The following BACH2 variants were observed in gnomAD, a reference collection of about 807,000 sequenced individuals.
The protein encoded by BACH2 is transcription regulator protein BACH2.
In BACH2, 5 loss-of-function variants were observed where a neutral mutation model predicts 61.8. The ratio of observed to expected loss-of-function variants is 0.08; its 90% confidence interval spans 0.04 to 0.17. The LOEUF (loss-of-function observed/expected upper bound fraction) is 0.17. Ranked by LOEUF, BACH2 falls within the 10% of genes least tolerant of loss-of-function variation. The pLI is 1.00. For missense variants in BACH2, 824 were observed against 1,091.1 expected, an observed-to-expected ratio of 0.76 and a Z score of 3.45; for synonymous variants, 446 against 440.1, an observed-to-expected ratio of 1.01 and a Z score of -0.17.
chr6:89,958,877 T>C (rs981218116), intron 6 of BACH2, among the ~76,000 whole-genome samples: 4 of 152,146 alleles, frequency 2.6e-5, no homozygotes, highest in Non-Finnish European at 4.4e-5. Context: ...CTATTCACAA[T>C]TGCCCTCCCC....
Position 89,951,961 on chromosome 6 carries a change from C to A in BACH2, c.244-99G>T. 1 of 1,398,154 alleles carries A rather than the reference C, an allele frequency of 7.2e-7. No individual in the cohort carries two copies. The highest frequency in any genetic ancestry group is 9.7e-7 in the Non-Finnish European group (1 of 1,026,506). The allele number at this position is 1,398,154 out of a possible 1,614,324, so 86.6% of individuals were successfully genotyped here. The stretch of plus-strand genomic sequence containing the variant: ...AGATAACCAGACAGTGCTAATGTCC[C>A]AGAATAAAGACTGCAAAGGGGCAGT... On this transcript the variant is annotated intron_variant, in intron 6 of 8. Coordinates refer to ENST00000257749, the MANE Select transcript of BACH2 (RefSeq NM_021813.4). The surrounding 1 kb of genome is among the most constrained non-coding windows in gnomAD (Gnocchi z 6.4).
chr6:89,958,671 G>A (rs867153151), intron 6 of BACH2, among the ~76,000 whole-genome samples: 2 of 152,212 alleles, frequency 1.3e-5, no homozygotes, highest in South Asian at 2.1e-4. Flanking sequence ...TTTGCAGGAT[G>A]CTGGGAGGAC....
intron 6 of BACH2, chr6:90,001,537 C>T (rs1395613485): frequency 6.6e-6 from 1 of 152,210 alleles, no homozygotes; most frequent in African/African-American, 2.4e-5. Flanking sequence ...GCTTAATTAA[C>T]TTAAAAGTTT....
intron 6 of BACH2, among the ~76,000 whole-genome samples, chr6:89,989,258 A>G (rs974736202): frequency 1.6e-4 from 24 of 152,220 alleles, no homozygotes; most frequent in Admixed American, 1.0e-3. Context: ...GAACCTTTTC[A>G]TCTTGGAAAT....
intron 7 of BACH2, among the ~76,000 whole-genome samples, chr6:89,942,087 C>T (rs929788885): frequency 2.0e-5 from 3 of 151,986 alleles, no homozygotes; most frequent in Non-Finnish European, 2.9e-5. Flanking sequence ...AAAAAAACCC[C>T]AACTCACTCT....
intron 5 of BACH2, among the ~76,000 whole-genome samples, chr6:90,068,638 G>T (rs79752982): frequency 2.8e-5 from 4 of 140,814 alleles, no homozygotes; most frequent in Non-Finnish European, 4.7e-5. Flanking sequence ...GGTTGTTGTT[G>T]TTTTTTTTTT....
intron 4 of BACH2, among the ~76,000 whole-genome samples, chr6:90,175,894 C>T (rs1767968548): frequency 6.6e-6 from 1 of 152,034 alleles, no homozygotes; most frequent in East Asian, 1.9e-4. Flanking sequence ...TATACCACAG[C>T]CAGGTACCAA....
At chr6:89,976,534 G>A (rs1181937705) in intron 6 of BACH2, among the ~76,000 whole-genome samples, 3 of 152,184 alleles carry the variant, frequency 2.0e-5, no homozygotes, top group African/African-American at 7.2e-5. Flanking sequence ...GGCAGGAAAA[G>A]GGGGTCTTCT....
intron 1 of BACH2, among the ~76,000 whole-genome samples, chr6:90,281,266 A>T (rs1001551995): frequency 6.6e-6 from 1 of 152,234 alleles, no homozygotes; most frequent in Non-Finnish European, 1.5e-5. Context: ...GCACTTGAAC[A>T]ATTATTTTTA....
chr6:90,028,343 C>G (rs149192275), intron 5 of BACH2, among the ~76,000 whole-genome samples: 1 of 152,346 alleles, frequency 6.6e-6, no homozygotes, highest in Non-Finnish European at 1.5e-5. Context: ...TGTATTGATT[C>G]TCATCTGATA....
At chr6:90,133,543 A>AT (rs1451249047) in intron 4 of BACH2, among the ~76,000 whole-genome samples, 2 of 151,978 alleles carry the variant, frequency 1.3e-5, no homozygotes, top group African/African-American at 4.8e-5. Flanking sequence ...TTATTTATTT[A>AT]TTTATTTTTT....
intron 5 of BACH2, among the ~76,000 whole-genome samples, chr6:90,059,465 T>C (rs1780562264): frequency 6.6e-6 from 1 of 152,082 alleles, no homozygotes; most frequent in East Asian, 1.9e-4. Context: ...CATTAAAAAG[T>C]CAGGAAACAA....
rs567967696 is a variant in BACH2 at position 90,081,002 on chromosome 6, C to T, written c.-13+7959G>A. Among the ~76,000 whole-genome samples, 13 of 152,140 alleles carry T rather than the reference C, an allele frequency of 8.5e-5. No individual in the cohort carries two copies. In the South Asian group the frequency reaches 1.7e-3, roughly 19 times the overall value. On this transcript the variant is annotated intron_variant, in intron 5 of 8. Transcript: ENST00000257749. ...ATACGCCACTGAGACAACCACACCG[C>T]CCCCAAATCAGACTCCAAATGACTG...
intron 4 of BACH2, among the ~76,000 whole-genome samples, chr6:90,098,431 T>A (rs141237031): frequency 6.6e-5 from 10 of 152,318 alleles, no homozygotes; most frequent in Admixed American, 2.0e-4. Context: ...TTCATTTTTA[T>A]TCCAAAAATT....
At chr6:89,942,975 T>G (rs1302824522) in intron 7 of BACH2, among the ~76,000 whole-genome samples, 1 of 152,152 alleles carries the variant, frequency 6.6e-6, no homozygotes, top group Non-Finnish European at 1.5e-5. Context: ...GATTCCAGCT[T>G]TACACATTTT....
intron 3 of BACH2, among the ~76,000 whole-genome samples, chr6:90,230,529 A>G (rs1770061159): frequency 6.6e-6 from 1 of 152,194 alleles, no homozygotes; most frequent in Admixed American, 6.5e-5. Flanking sequence ...TTCTGTCTGG[A>G]ATTTCATCCT....
intron 6 of BACH2, among the ~76,000 whole-genome samples, chr6:89,961,587 G>A (rs1262277833): frequency 6.6e-6 from 1 of 152,170 alleles, no homozygotes; most frequent in African/African-American, 2.4e-5. Context: ...TGAACCACTT[G>A]ATCTTCAACC....
chr6:90,296,237 G>A (rs1215330365), intron 1 of BACH2, among the ~76,000 whole-genome samples: 1 of 151,972 alleles, frequency 6.6e-6, no homozygotes, highest in Non-Finnish European at 1.5e-5. Flanking sequence ...ACAGCCGGGA[G>A]GGAGAGCACA....
At chr6:90,269,235 T>A (rs900422388) in intron 2 of BACH2, among the ~76,000 whole-genome samples, 3 of 152,012 alleles carry the variant, frequency 2.0e-5, no homozygotes, top group African/African-American at 7.3e-5. Flanking sequence ...CCTACCAATA[T>A]TCTATGCTGG....
Sources: allele counts gnomAD v4.1 joint callset (sites outside exome capture counted in the v4.1 genomes callset), GRCh38; gene constraint gnomAD v4.1.1; non-coding constraint Gnocchi (gnomAD v3.1); transcripts MANE v1.5; gene names NCBI Gene and HGNC (gene_info 2026-07-23, HGNC 2026-07-21).